The following ATP13A4 variants were observed in gnomAD, a reference collection of about 807,000 sequenced individuals.
ATP13A4 encodes ATPase 13A4.
Under a neutral mutation model 142.5 loss-of-function variants are expected in ATP13A4, and 114 were observed. That is an observed-to-expected ratio of 0.80 (90% CI 0.69 to 0.93). The LOEUF (loss-of-function observed/expected upper bound fraction) is 0.93. Among genes scored for constraint, ATP13A4 ranks in the 40% least tolerant of loss-of-function variants. The pLI is 0.00. For missense variants in ATP13A4, 1,392 were observed against 1,454.0 expected, an observed-to-expected ratio of 0.96 and a Z score of 0.69; for synonymous variants, 488 against 514.8, an observed-to-expected ratio of 0.95 and a Z score of 0.70.
intron 8 of ATP13A4, among the ~76,000 whole-genome samples, chr3:193,474,690 AAAAG>A (rs1718850464): frequency 1.3e-5 from 2 of 149,592 alleles, no homozygotes; most frequent in African/African-American, 5.0e-5. Context: ...AAAAGAAAGA[AAAAG>A]AAAAAAGGAA....
intron 22 of ATP13A4, among the ~76,000 whole-genome samples, 159 bp downstream of exon 22, chr3:193,438,864 C>A (rs889202380): frequency 6.6e-6 from 1 of 152,146 alleles, no homozygotes; most frequent in Non-Finnish European, 1.5e-5. Flanking sequence ...GTTTATCCGT[C>A]AAGAGGAATG....
At chr3:193,492,270 A>G (rs1261256213) in intron 5 of ATP13A4, among the ~76,000 whole-genome samples, 1 of 152,160 alleles carries the variant, frequency 6.6e-6, no homozygotes, top group Non-Finnish European at 1.5e-5. Context: ...AATCATAGAA[A>G]CTTAGAACAG....
chr3:193,581,203 T>C (rs539528895), intron 2 of ATP13A4, among the ~76,000 whole-genome samples: 1 of 152,374 alleles, frequency 6.6e-6, no homozygotes, highest in East Asian at 1.9e-4. Flanking sequence ...GATAATAGTG[T>C]TCAAATACTG....
rs1016505509 is a variant in ATP13A4, at chr3:193,438,332, T to C, written c.2672+143A>G. 5 of 704,934 alleles carry C rather than the reference T, an allele frequency of 7.1e-6. 1 individual carries two copies. The highest frequency in any genetic ancestry group is 5.3e-5 in the African/African-American group (3 of 56,692). The allele number at this position is 704,934 out of a possible 1,614,324, so 43.7% of individuals were successfully genotyped here. On this transcript the variant is annotated intron_variant, in intron 23 of 29. Transcript: ENST00000342695. Reference sequence around the variant, plus strand: ...AACTTCTGGAAAATCCATTTGGAAGTAGAATGCTTGACTGCATTCTTCCAC... The same window carrying C: ...AACTTCTGGAAAATCCATTTGGAAGCAGAATGCTTGACTGCATTCTTCCAC...
intron 5 of ATP13A4, among the ~76,000 whole-genome samples, chr3:193,492,204 C>G (rs1436139064): frequency 1.3e-5 from 2 of 152,134 alleles, no homozygotes; most frequent in African/African-American, 4.8e-5. Flanking sequence ...GATGCTGATT[C>G]TGCTAGGCTG....
chr3:193,494,052 A>G (rs1007659027), intron 3 of ATP13A4, among the ~76,000 whole-genome samples: 1 of 152,120 alleles, frequency 6.6e-6, no homozygotes, highest in African/African-American at 2.4e-5. Context: ...ATCATTGCAT[A>G]ATGACAAAGG....
intron 28 of ATP13A4, among the ~76,000 whole-genome samples, chr3:193,408,577 G>A (rs1186992703): frequency 6.6e-6 from 1 of 152,120 alleles, no homozygotes; most frequent in African/African-American, 2.4e-5. Flanking sequence ...ATAAATGGTG[G>A]ATACCCCAAC....
intron 3 of ATP13A4, among the ~76,000 whole-genome samples, chr3:193,496,419 A>T (rs1490858080): frequency 6.6e-6 from 1 of 152,202 alleles, no homozygotes; most frequent in Non-Finnish European, 1.5e-5. Context: ...ACGAATTCAC[A>T]CACTTGCAGC....
rs1560164989 is a variant in ATP13A4 at position 193,402,786 on chromosome 3, TC to T, written c.3456del (p.Ile1153TyrfsTer15). The T allele has an allele frequency of 6.2e-7, 1 of 1,614,172 alleles. No homozygotes were observed. The highest frequency in any genetic ancestry group is 8.5e-7 in the Non-Finnish European group (1 of 1,180,012). On this transcript the variant is annotated frameshift_variant, in exon 30 of 30. Coordinates refer to ENST00000342695, the MANE Select transcript of ATP13A4 (RefSeq NM_032279.4). LOFTEE classifies it high-confidence loss of function. ...TCATTTGCCAAGTCCCTCTGCCATA[TC>T]CGATACTGGCTTTTTGACTGATAGC... ...CFGYQSKSQY[R>X]IWQRDLANDP...
chr3:193,451,250 A>G (rs1717258564), intron 17 of ATP13A4, among the ~76,000 whole-genome samples: 1 of 152,216 alleles, frequency 6.6e-6, no homozygotes, highest in African/African-American at 2.4e-5. Context: ...TGCAGAAGAC[A>G]TGACCTGAGC....
chr3:193,590,506 T>C (rs1724743251), intron 1 of ATP13A4, among the ~76,000 whole-genome samples: 2 of 152,216 alleles, frequency 1.3e-5, no homozygotes, highest in African/African-American at 4.8e-5. Context: ...AAACCATACC[T>C]ACGTCTTAGC....
chr3:193,554,709 TGGGAAGAA>T (rs1723804708), intron 1 of ATP13A4, 23 bp downstream of exon 1: 1 of 1,609,734 alleles, frequency 6.2e-7, no homozygotes, highest in African/African-American at 1.3e-5. Context: ...AGAAGTGGGA[TGGGAAGAA>T]GGGAATGTGG....
Position 193,493,125 on chromosome 3 carries a change from A to C in ATP13A4, c.417T>G (p.Val139=). ...RCIKVQKIRY[V]WNYLEGQFQK... ...GGAACTGTCCTTCTAAGTAGTTCCA[A>C]ACATATCTTATTTTCTGCACTTTGA... Residue 139 remains valine (V), a synonymous_variant, in exon 4 of 30, where the codon GTT becomes GTG. Coordinates refer to ENST00000342695, the MANE Select transcript of ATP13A4 (RefSeq NM_032279.4). 1 of 1,613,324 alleles carries C rather than the reference A, an allele frequency of 6.2e-7. No individual in the cohort carries two copies. The highest frequency in any genetic ancestry group is 8.5e-7 in the Non-Finnish European group (1 of 1,179,654).
At position 193,504,966 on chromosome 3, in the gene ATP13A4, GCTTACAATT is replaced by G. The variant is rs1265136377; in HGVS notation, c.235-2336_235-2328del. ...ATTTTGTTATGTTATCTTATTTTAG[GCTTACAATT>G]CTCCAGTGTTGGTATTATAATTATC... On this transcript the variant is annotated intron_variant, in intron 2 of 29. Transcript: ENST00000342695. Among the ~76,000 whole-genome samples the G allele has an allele frequency of 2.0e-5, 3 of 152,076 alleles. No homozygotes were observed. The East Asian group carries it at 5.8e-4, about 29-fold the overall frequency.
chr3:193,561,336 G>A (rs1724012495), intron 2 of ATP13A4, among the ~76,000 whole-genome samples: 2 of 152,226 alleles, frequency 1.3e-5, no homozygotes, highest in African/African-American at 4.8e-5. Context: ...TGGTGCAGAT[G>A]AAGAAAGCGG....
chr3:193,476,525 C>T (rs956551578), intron 8 of ATP13A4, among the ~76,000 whole-genome samples: 10 of 152,234 alleles, frequency 6.6e-5, no homozygotes, highest in African/African-American at 1.7e-4. Flanking sequence ...TCTGGAGAAG[C>T]GCTTTTAATT....
intron 1 of ATP13A4, among the ~76,000 whole-genome samples, chr3:193,526,905 T>C (rs193011705): frequency 1.3e-5 from 2 of 152,134 alleles, no homozygotes; most frequent in African/African-American, 4.8e-5. Flanking sequence ...TATTATTAAA[T>C]CGGTTGCATA....
chr3:193,472,527 T>C (rs1306452481), intron 8 of ATP13A4, among the ~76,000 whole-genome samples: 1 of 152,240 alleles, frequency 6.6e-6, no homozygotes, highest in African/African-American at 2.4e-5. Flanking sequence ...CAAAACTGTA[T>C]GCTGAGGTTG....
chr3:193,451,427 C>T (rs1717269150), intron 17 of ATP13A4, among the ~76,000 whole-genome samples: 1 of 152,216 alleles, frequency 6.6e-6, no homozygotes, highest in Non-Finnish European at 1.5e-5. Context: ...TCAGCCCTAC[C>T]ACTGCCTTGC....
Sources: gnomAD v4.1 joint callset for allele counts (sites outside exome capture counted in the v4.1 genomes callset) on GRCh38, gnomAD v4.1.1 for gene constraint, MANE v1.5 for transcripts, NCBI Gene and HGNC (gene_info 2026-07-23, HGNC 2026-07-21) for gene names.